TAX1BP1: variants seen among roughly 807,000 people sequenced by gnomAD.
TAX1BP1 encodes Tax1 binding protein 1.
A neutral mutation model predicts 97.7 loss-of-function variants in TAX1BP1; 62 were observed. The ratio of observed to expected loss-of-function variants is 0.63; its 90% CI spans 0.52 to 0.78. TAX1BP1 has a LOEUF of 0.78. Among genes scored for constraint, TAX1BP1 ranks in the 30% least tolerant of loss-of-function variants. The pLI is 0.00. For synonymous variants in TAX1BP1, 340 were observed against 304.2 expected, an observed-to-expected ratio of 1.12 and a Z score of -1.23; for missense variants, 867 against 916.1, an observed-to-expected ratio of 0.95 and a Z score of 0.69.
intron 13 of TAX1BP1, among the ~76,000 whole-genome samples, chr7:27,809,600 G>A (rs1431641337): frequency 1.3e-5 from 2 of 152,122 alleles, no homozygotes. Context: ...TCTTGTCCAT[G>A]TGCATGCATT....
At chr7:27,826,342 T>A (rs1006959081) in intron 15 of TAX1BP1, among the ~76,000 whole-genome samples, 2 of 152,232 alleles carry the variant, frequency 1.3e-5, no homozygotes, top group Non-Finnish European at 2.9e-5. Flanking sequence ...TCTTTTACTT[T>A]TCAAGAGGGG....
At chr7:27,784,361 A>G (rs1789384564) in intron 5 of TAX1BP1, among the ~76,000 whole-genome samples, 2 of 152,368 alleles carry the variant, frequency 1.3e-5, no homozygotes, top group African/African-American at 4.8e-5. Flanking sequence ...CATTTAAAGT[A>G]GAATATTCCA....
chr7:27,740,727 G>T (rs1354584759), intron 1 of TAX1BP1, among the ~76,000 whole-genome samples: 1 of 152,242 alleles, frequency 6.6e-6, no homozygotes, highest in Admixed American at 6.5e-5. Flanking sequence ...CGTCCGAGAA[G>T]GACGCTGGGG....
At chr7:27,815,757 C>T (rs535768628) in intron 13 of TAX1BP1, among the ~76,000 whole-genome samples, 17 of 151,998 alleles carry the variant, frequency 1.1e-4, no homozygotes, top group East Asian at 3.9e-4. Context: ...ACTTTTTGGC[C>T]GGGTGCAGTG....
At chr7:27,818,636 T>C (rs912757860) in intron 15 of TAX1BP1, among the ~76,000 whole-genome samples, 5 of 152,152 alleles carry the variant, frequency 3.3e-5, no homozygotes, top group Non-Finnish European at 7.4e-5. Flanking sequence ...CTGTGGTCAA[T>C]TGTCAGATCA....
chr7:27,767,733 T>G, intron 4 of TAX1BP1, among the ~76,000 whole-genome samples: 1 of 152,084 alleles, frequency 6.6e-6, no homozygotes. Flanking sequence ...GCATTCACAT[T>G]TATCTTGTAC....
chr7:27,794,119 A>G (rs1427884635), intron 10 of TAX1BP1, among the ~76,000 whole-genome samples: 1 of 152,220 alleles, frequency 6.6e-6, no homozygotes, highest in Non-Finnish European at 1.5e-5. Context: ...AAAATATAGT[A>G]TATTTCTTTT....
At chr7:27,759,278 G>A (rs1181879209) in intron 3 of TAX1BP1, among the ~76,000 whole-genome samples, 1 of 152,016 alleles carries the variant, frequency 6.6e-6, no homozygotes, top group Non-Finnish European at 1.5e-5. Flanking sequence ...CAAAATCTGT[G>A]TGTTAACAAG....
At chr7:27,799,890 A>G (rs1583390005) in intron 12 of TAX1BP1, 75 bp from the exon 13 acceptor site, 1 of 1,227,830 alleles carries the variant, frequency 8.1e-7, no homozygotes, top group Non-Finnish European at 1.1e-6. Context: ...TTCAGCCCAT[A>G]TCTAAGTACA....
chr7:27,777,523 T>C (rs1366492978), intron 5 of TAX1BP1, among the ~76,000 whole-genome samples: 1 of 152,204 alleles, frequency 6.6e-6, no homozygotes, highest in East Asian at 1.9e-4. Flanking sequence ...CACTGTTCCC[T>C]GTAGTCCTTT....
At chr7:27,794,271 A>G (rs1245110154) in intron 10 of TAX1BP1, 52 bp from the exon 11 acceptor site, 4 of 1,462,264 alleles carry the variant, frequency 2.7e-6, no homozygotes, top group Non-Finnish European at 3.7e-6. Flanking sequence ...TGCAAGGAGG[A>G]AATATAACTA....
At chr7:27,782,181 C>T (rs963085283) in intron 5 of TAX1BP1, among the ~76,000 whole-genome samples, 1 of 151,960 alleles carries the variant, frequency 6.6e-6, no homozygotes, top group Admixed American at 6.6e-5. Flanking sequence ...TTCTTTGTAT[C>T]CAAATTCCAT....
At chr7:27,786,257 G>A (rs1045084889) in intron 7 of TAX1BP1, among the ~76,000 whole-genome samples, 4 of 151,118 alleles carry the variant, frequency 2.6e-5, no homozygotes, top group African/African-American at 7.3e-5. Flanking sequence ...TCAGCCTCCC[G>A]AGGACCTGGG....
chr7:27,758,810 A>G (rs914803017), intron 3 of TAX1BP1, among the ~76,000 whole-genome samples: 3 of 152,122 alleles, frequency 2.0e-5, no homozygotes, highest in Non-Finnish European at 4.4e-5. Flanking sequence ...CCCTCAAGGG[A>G]GGAATGGGGA....
intron 14 of TAX1BP1, 70 bp downstream of exon 14, chr7:27,816,590 A>C: frequency 7.7e-7 from 1 of 1,295,686 alleles, no homozygotes; most frequent in Non-Finnish European, 1.0e-6. Flanking sequence ...ATTTTCATGG[A>C]TTAGCAAACT....
chr7:27,798,933 G>A (rs1050167002), intron 12 of TAX1BP1, among the ~76,000 whole-genome samples: 2 of 149,650 alleles, frequency 1.3e-5, no homozygotes, highest in African/African-American at 4.9e-5. Flanking sequence ...TCTGATATAT[G>A]TAAGGTGAAT....
At chr7:27,804,511 C>A (rs2128321484) in intron 13 of TAX1BP1, among the ~76,000 whole-genome samples, 1 of 152,244 alleles carries the variant, frequency 6.6e-6, no homozygotes, top group East Asian at 1.9e-4. Flanking sequence ...TAGCATAGAC[C>A]CCTCAGGTTA....
chr7:27,810,526 C>A (rs1484757333), intron 13 of TAX1BP1, among the ~76,000 whole-genome samples: 1 of 152,110 alleles, frequency 6.6e-6, no homozygotes, highest in Non-Finnish European at 1.5e-5. Context: ...TGAGTATGCC[C>A]ATTATTGTTT....
At chr7:27,777,826 T>A (rs983596812) in intron 5 of TAX1BP1, among the ~76,000 whole-genome samples, 6 of 152,172 alleles carry the variant, frequency 3.9e-5, no homozygotes, top group Admixed American at 2.0e-4. Flanking sequence ...TGACCTCTGT[T>A]GTTTCTTTTC....
Sources: allele counts gnomAD v4.1 joint callset (sites outside exome capture counted in the v4.1 genomes callset), GRCh38; gene constraint gnomAD v4.1.1; transcripts MANE v1.5; gene names NCBI Gene and HGNC (gene_info 2026-07-23, HGNC 2026-07-21).